Variants in DMD observed in about 807,000 individuals in gnomAD.
DMD encodes dystrophin.
DMD carries 63 observed loss-of-function variants against 330.1 expected under a neutral mutation model. The ratio of observed to expected loss-of-function variants is 0.19; its 90% CI spans 0.16 to 0.24. DMD has a LOEUF of 0.24. DMD is among the 10% of genes least tolerant of loss of function. DMD has a pLI of 1.00. For missense variants in DMD, 3,344 were observed against 2,684.1 expected, an observed-to-expected ratio of 1.25 and a Z score of -5.43; for synonymous variants, 1,223 against 959.8, an observed-to-expected ratio of 1.27 and a Z score of -5.07.
intron 40 of DMD, chrX:32,342,668 G>A (rs2146983878): frequency 3.8e-6 from 1 of 260,533 alleles, no homozygotes; most frequent in South Asian, 4.8e-5. Context: ...TTAAAGGTTT[G>A]AGGAACTCAA....
chrX:32,172,350 A>C (rs957523625), intron 44 of DMD, among the ~76,000 whole-genome samples: 1 of 112,346 alleles, frequency 8.9e-6, no homozygotes, highest in African/African-American at 3.2e-5. Flanking sequence ...CAAATGTTAT[A>C]AGGCATTTTG....
chrX:31,650,472 A>G (rs2080389049), intron 54 of DMD, among the ~76,000 whole-genome samples: 2 of 111,584 alleles, frequency 1.8e-5, no homozygotes, highest in African/African-American at 3.3e-5. Context: ...ATTACAAACA[A>G]TTATTGAGTA....
chrX:31,217,082 T>G (rs893037629), intron 64 of DMD, among the ~76,000 whole-genome samples: 1 of 110,734 alleles, frequency 9.0e-6, no homozygotes, highest in Non-Finnish European at 1.9e-5. Flanking sequence ...ACAAGTTGGC[T>G]TTTTAATTTT....
At chrX:32,305,578 T>C (rs1027982559) in intron 42 of DMD, among the ~76,000 whole-genome samples, 2 of 111,294 alleles carry the variant, frequency 1.8e-5, no homozygotes, top group Admixed American at 1.9e-4. Flanking sequence ...GCCACCAGCA[T>C]CTCTTTTTCA....
At chrX:32,406,214 T>G (rs1431845338) in intron 30 of DMD, among the ~76,000 whole-genome samples, 2 of 111,508 alleles carry the variant, frequency 1.8e-5, no homozygotes, top group Non-Finnish European at 3.8e-5. Context: ...ACAATTTGAC[T>G]TCCTCTTTTC....
At chrX:32,039,311 C>G (rs2095979313) in intron 44 of DMD, among the ~76,000 whole-genome samples, 1 of 111,550 alleles carries the variant, frequency 9.0e-6, no homozygotes, top group Non-Finnish European at 1.9e-5. Flanking sequence ...TCCCATTTTA[C>G]AGGCGAGGGC....
chrX:33,041,248 A>G, intron 1 of DMD: 1 of 523,150 alleles, frequency 1.9e-6, no homozygotes, highest in South Asian at 2.9e-5. Context: ...ATGACACTAT[A>G]ATGATTTATT....
intron 30 of DMD, among the ~76,000 whole-genome samples, chrX:32,393,315 G>A (rs183605615): frequency 2.7e-5 from 3 of 111,269 alleles, no homozygotes; most frequent in Non-Finnish European, 5.6e-5. Flanking sequence ...GACAAGGTGT[G>A]GAGACAGGGC....
intron 44 of DMD, among the ~76,000 whole-genome samples, chrX:32,098,111 T>G (rs1338601607): frequency 9.0e-6 from 1 of 111,696 alleles, no homozygotes; most frequent in Non-Finnish European, 1.9e-5. Context: ...GTGCCTGTAT[T>G]TGCGTGATAT....
At chrX:32,753,819 C>G (rs887024777) in intron 7 of DMD, among the ~76,000 whole-genome samples, 1 of 111,567 alleles carries the variant, frequency 9.0e-6, no homozygotes, top group African/African-American at 3.3e-5. Context: ...GGGAAGGAAC[C>G]GAGCCTTATT....
rs772956678 is a variant in DMD at position 32,478,406 on chromosome X, C to G, written c.2804-6097G>C. 1.5e-3 allele frequency among the ~76,000 whole-genome samples: 162 copies of G among 111,608 alleles called. 1 individual carries two copies. The highest frequency in any genetic ancestry group is 2.4e-3 in the Non-Finnish European group (128 of 52,954). ...TCAATCTAAAGTCAAGGAGATAATG[C>G]AATCAGCAAAGGCTCCAAACTTTAT... is the stretch of plus-strand genomic sequence containing the variant. On this transcript the variant is annotated intron_variant, in intron 21 of 78. Coordinates refer to ENST00000357033, the MANE Select transcript of DMD (RefSeq NM_004006.3).
intron 53 of DMD, among the ~76,000 whole-genome samples, chrX:31,660,670 T>C (rs924761286): frequency 2.7e-5 from 3 of 111,396 alleles, no homozygotes; most frequent in African/African-American, 9.8e-5. Flanking sequence ...AGAGCATATA[T>C]GTAAAAGCTC....
chrX:31,936,648 T>G (rs1399092330), intron 45 of DMD, among the ~76,000 whole-genome samples: 2 of 111,616 alleles, frequency 1.8e-5, no homozygotes, highest in Non-Finnish European at 3.8e-5. Context: ...TTAGTAGTTT[T>G]TTCTAAATAA....
chrX:32,963,068 C>T, intron 2 of DMD, among the ~76,000 whole-genome samples: 1 of 111,618 alleles, frequency 9.0e-6, no homozygotes, highest in Middle Eastern at 4.6e-3. Context: ...GACAATCATA[C>T]CACTCTATTC....
intron 60 of DMD, among the ~76,000 whole-genome samples, chrX:31,366,610 C>CT (rs200210211): frequency 4.1e-5 from 4 of 98,438 alleles, no homozygotes; most frequent in South Asian, 4.7e-4. Context: ...AATTTTAAGA[C>CT]TTTTTTTTTT....
intron 11 of DMD, among the ~76,000 whole-genome samples, chrX:32,641,074 T>C (rs1431321012): frequency 9.0e-6 from 1 of 111,357 alleles, no homozygotes. Context: ...CACTTCCTTG[T>C]GATCTGCAAA....
intron 60 of DMD, among the ~76,000 whole-genome samples, chrX:31,408,002 A>G (rs1569539049): frequency 8.9e-6 from 1 of 112,088 alleles, no homozygotes; most frequent in Non-Finnish European, 1.9e-5. Context: ...ACAAACAAAC[A>G]AACGCAAAGT....
intron 17 of DMD, among the ~76,000 whole-genome samples, chrX:32,525,297 G>A (rs941508985): frequency 4.5e-5 from 5 of 111,830 alleles, no homozygotes; most frequent in Admixed American, 9.5e-5. Flanking sequence ...ATCTCTTAGA[G>A]TTCTGGGAGT....
At chrX:31,256,083 C>T (rs2049931227) in intron 63 of DMD, among the ~76,000 whole-genome samples, 2 of 110,385 alleles carry the variant, frequency 1.8e-5, no homozygotes, top group South Asian at 8.0e-4. Context: ...GCCCCAATAT[C>T]CTCACATTTT....
Sources: gnomAD v4.1 joint callset for allele counts (sites outside exome capture counted in the v4.1 genomes callset) on GRCh38, gnomAD v4.1.1 for gene constraint, MANE v1.5 for transcripts, NCBI Gene and HGNC (gene_info 2026-07-23, HGNC 2026-07-21) for gene names.